Variants in HOOK3 observed in about 807,000 individuals in gnomAD.
The protein encoded by HOOK3 is hook microtubule tethering protein 3.
A neutral mutation model predicts 116.3 loss-of-function variants in HOOK3; 24 were observed. The ratio of observed to expected loss-of-function variants is 0.21; its 90% CI spans 0.15 to 0.29. The LOEUF (loss-of-function observed/expected upper bound fraction) is 0.29. HOOK3 is among the 10% of genes least tolerant of loss of function. The probability of loss-of-function intolerance (pLI) is 1.00; values close to 1 mark genes in which losing one functional copy is unlikely to be tolerated. For synonymous variants in HOOK3, 275 were observed against 283.0 expected (o/e 0.97, Z 0.28); for missense variants, 632 against 830.2 (o/e 0.76, Z 2.93).
intron 3 of HOOK3, among the ~76,000 whole-genome samples, chr8:42,929,499 A>G (rs1206050303): frequency 6.6e-6 from 1 of 152,192 alleles, no homozygotes; most frequent in Non-Finnish European, 1.5e-5. Flanking sequence ...AAACTGTATG[A>G]GTTGGGTCAA....
intron 2 of HOOK3, among the ~76,000 whole-genome samples, chr8:42,919,233 G>A (rs1807598341): frequency 6.6e-6 from 1 of 150,752 alleles, no homozygotes; most frequent in Admixed American, 6.6e-5. Flanking sequence ...AGACGGGGCG[G>A]CTTCCGGGCA....
intron 6 of HOOK3, 151 bp downstream of exon 6, chr8:42,950,606 T>TA (rs1808320968): frequency 9.8e-6 from 5 of 508,306 alleles, no homozygotes; most frequent in South Asian, 3.6e-5. Context: ...GTTTTTATTC[T>TA]AAAAAATCAT....
rs558362292 is a variant in HOOK3, at chr8:42,940,050, G to A, written c.268-3263G>A. Among the ~76,000 whole-genome samples, 94 of 152,154 alleles carry A rather than the reference G, an allele frequency of 6.2e-4. 2 individuals carry two copies. In the South Asian group the frequency reaches 0.018, roughly 30 times the overall value. ...CACATCCCAGACGGTGGGCGGCCAG[G>A]CAGAGACGCTCCTCACTTCCCAGAC... On this transcript the variant is annotated intron_variant, in intron 4 of 21. Coordinates refer to ENST00000307602, the MANE Select transcript of HOOK3 (RefSeq NM_032410.4).
At chr8:42,989,197 C>G (rs754016944) in intron 15 of HOOK3, among the ~76,000 whole-genome samples, 1 of 152,224 alleles carries the variant, frequency 6.6e-6, no homozygotes, top group African/African-American at 2.4e-5. Flanking sequence ...TAGACCTGAT[C>G]TTGTTTCTGT....
intron 5 of HOOK3, 100 bp from the exon 6 acceptor site, chr8:42,950,286 AAC>A (rs1808315528): frequency 2.6e-6 from 2 of 766,920 alleles, no homozygotes; most frequent in South Asian, 3.5e-5. Context: ...GAGGAATCAA[AAC>A]ACAGGGAAAT....
chr8:43,007,806 T>G, intron 17 of HOOK3, 41 bp from the exon 18 acceptor site: 1 of 1,271,772 alleles, frequency 7.9e-7, no homozygotes, highest in Non-Finnish European at 1.1e-6. Context: ...TGGAAAAAAT[T>G]ACAGAAGCAG....
intron 4 of HOOK3, among the ~76,000 whole-genome samples, chr8:42,933,801 A>G (rs1488901930): frequency 6.6e-6 from 1 of 152,188 alleles, no homozygotes; most frequent in South Asian, 2.1e-4. Flanking sequence ...TCATTGCTCC[A>G]TGCCCTGTGG....
rs140849496 is a variant in HOOK3 at position 43,006,311 on chromosome 8, C to T, written c.1656-1536C>T. ...CTGGGATTACAGGTGTTAGCCACTGCGCCCAGCCTATTTATTTTTTTGAGA... is the reference window on the plus strand; with the variant it reads ...CTGGGATTACAGGTGTTAGCCACTGTGCCCAGCCTATTTATTTTTTTGAGA... On this transcript the variant is annotated intron_variant, in intron 17 of 21. Transcript: ENST00000307602. 5.8e-3 allele frequency among the ~76,000 whole-genome samples: 858 copies of T among 147,284 alleles called. 6 individuals are homozygous for T. The highest frequency in any genetic ancestry group is 8.4e-3 in the Non-Finnish European group (565 of 67,016).
chr8:42,905,178 G>C (rs868602175), intron 1 of HOOK3, among the ~76,000 whole-genome samples: 1 of 152,040 alleles, frequency 6.6e-6, no homozygotes, highest in Admixed American at 6.6e-5. Flanking sequence ...TTTGGCCTCC[G>C]AGTAACAGAA....
chr8:42,983,682 C>T (rs1808995481), intron 14 of HOOK3, among the ~76,000 whole-genome samples: 1 of 152,088 alleles, frequency 6.6e-6, no homozygotes, highest in African/African-American at 2.4e-5. Flanking sequence ...GCCATGTTTC[C>T]CAGGCTGGTC....
At chr8:42,938,546 A>G (rs1238566875) in intron 4 of HOOK3, among the ~76,000 whole-genome samples, 6 of 152,170 alleles carry the variant, frequency 3.9e-5, no homozygotes, top group East Asian at 3.9e-4. Flanking sequence ...TTTCCTTGCC[A>G]TATTTAGTGC....
intron 15 of HOOK3, among the ~76,000 whole-genome samples, chr8:42,991,154 T>C (rs1258067231): frequency 2.0e-5 from 3 of 152,204 alleles, no homozygotes; most frequent in African/African-American, 7.2e-5. Flanking sequence ...TCTATGTGTC[T>C]GTTTTTATGT....
intron 4 of HOOK3, among the ~76,000 whole-genome samples, chr8:42,935,584 G>T (rs1003000872): frequency 3.9e-5 from 6 of 152,102 alleles, no homozygotes; most frequent in South Asian, 4.1e-4. Context: ...GTAAGGAAGG[G>T]GTCCAGTTTC....
At chr8:42,907,452 A>G (rs528113039) in intron 2 of HOOK3, among the ~76,000 whole-genome samples, 2 of 152,286 alleles carry the variant, frequency 1.3e-5, no homozygotes, top group Middle Eastern at 6.8e-3. Flanking sequence ...GAAGCTCAAG[A>G]AGGCTCATTG....
intron 15 of HOOK3, among the ~76,000 whole-genome samples, chr8:42,988,231 A>T (rs950732919): frequency 6.6e-6 from 1 of 152,220 alleles, no homozygotes; most frequent in Non-Finnish European, 1.5e-5. Context: ...AAATGGAGAC[A>T]GTGGAGCGGA....
chr8:42,919,159 C>G (rs1438158571), intron 2 of HOOK3, among the ~76,000 whole-genome samples: 3 of 150,246 alleles, frequency 2.0e-5, no homozygotes. Flanking sequence ...GGGCGGCTGC[C>G]GGGCAGAGGG....
rs1359816418 is a variant in HOOK3, at chr8:42,901,141, T to C, written c.57+3953T>C. Reference sequence around the variant, plus strand: ...CAAAAATGTCTCCTCGGGAGCAAAATTATCCATTGCTCTAGAGATAGTAAT... The same window carrying C: ...CAAAAATGTCTCCTCGGGAGCAAAACTATCCATTGCTCTAGAGATAGTAAT... On this transcript the variant is annotated intron_variant, in intron 1 of 21. Coordinates refer to ENST00000307602, the MANE Select transcript of HOOK3 (RefSeq NM_032410.4). 2.6e-5 allele frequency among the ~76,000 whole-genome samples: 4 copies of C among 152,206 alleles called. No homozygotes were observed. In the East Asian group the frequency reaches 7.7e-4, roughly 29 times the overall value.
In HOOK3 at chr8:43,018,917, T is replaced by C. The variant is rs958170363; in HGVS notation, c.*419T>C. Reference sequence around the variant, plus strand: ...TGTTTAAAGGGAATTAATCTTTTTATGATGTATTAATCTGTGTTTTCAATT... The same window carrying C: ...TGTTTAAAGGGAATTAATCTTTTTACGATGTATTAATCTGTGTTTTCAATT... On this transcript the variant is annotated 3_prime_UTR_variant, in exon 22 of 22. Transcript: ENST00000307602. 4.5e-6 allele frequency: 1 copy of C among 222,300 alleles called. No individual in the cohort carries two copies. Among genetic ancestry groups the C allele is most frequent in the Non-Finnish European group, 9.0e-6 (1 of 111,176 alleles). The allele number at this position is 222,300 out of a possible 1,614,324, so 13.8% of individuals were successfully genotyped here.
chr8:42,979,461 G>T lies in HOOK3; in HGVS notation c.1322-3166G>T, dbSNP rs146030457. ...TACCCCTCCCACTCCTTTGTTATCA[G>T]CTGGGGATGGTGGAGGCTGATGGAT... On this transcript the variant is annotated intron_variant, in intron 13 of 21. Coordinates refer to ENST00000307602, the MANE Select transcript of HOOK3 (RefSeq NM_032410.4). 3.3e-5 allele frequency among the ~76,000 whole-genome samples: 5 copies of T among 152,296 alleles called. No homozygotes were observed. In the East Asian group the frequency reaches 9.6e-4, roughly 29 times the overall value.
Sources: allele counts gnomAD v4.1 joint callset (sites outside exome capture counted in the v4.1 genomes callset), GRCh38; gene constraint gnomAD v4.1.1; transcripts MANE v1.5; gene names NCBI Gene and HGNC (gene_info 2026-07-23, HGNC 2026-07-21).